Variants in LRRC24 observed in about 807,000 individuals in gnomAD.
LRRC24 encodes the protein leucine-rich repeat-containing protein 24.
In LRRC24, 19 loss-of-function variants were observed where a neutral mutation model predicts 15.3. That is an observed-to-expected ratio of 1.25 (90% CI 0.87 to 1.83). The LOEUF (loss-of-function observed/expected upper bound fraction) is 1.83, where lower values mean the gene tolerates loss of function less well. Among genes scored for constraint, LRRC24 ranks in the 40% most tolerant of loss-of-function variants. The probability of loss-of-function intolerance (pLI) is 0.00; values close to 1 mark genes in which losing one functional copy is unlikely to be tolerated. For synonymous variants in LRRC24, 469 were observed against 359.6 expected (o/e 1.30, Z -3.44); for missense variants, 914 against 723.9 (o/e 1.26, Z -3.01).
rs780806393 is a variant in LRRC24, at chr8:144,522,449, C to G, written c.*26G>C. The G allele has an allele frequency of 1.8e-5, 25 of 1,395,268 alleles. No homozygotes were observed. Among genetic ancestry groups the G allele is most frequent in the Middle Eastern group, 5.1e-4 (2 of 3,938 alleles). The allele number at this position is 1,395,268 out of a possible 1,614,324, so 86.4% of individuals were successfully genotyped here. ...AGGCCGCACCGGCCAATCTCCGGCG[C>G]CCACGTCATCCGCGCGCCCGCGGCC... On this transcript the variant is annotated 3_prime_UTR_variant, in exon 5 of 5. Transcript: ENST00000529415.
rs1564825883 is a variant in LRRC24, at chr8:144,524,940, A to AGCAGCG, written c.29_34dup (p.Pro10_Leu11dup). 1.6e-5 allele frequency: 24 copies of AGCAGCG among 1,506,406 alleles called. 1 individual carries two copies. The South Asian group carries it at 2.8e-4, about 18-fold the overall frequency. 93.3% of individuals were successfully genotyped at this position (1,506,406 alleles called of 1,614,324 possible). ...GGCGCGGAGCGGCAGTAGTAGCAGC[A>AGCAGCG]GCAGCGGCAGCAGTGCGGGGGCCCT... On this transcript the variant is annotated inframe_insertion, in exon 2 of 5. Coordinates refer to ENST00000529415, the MANE Select transcript of LRRC24 (RefSeq NM_001024678.4).
intron 1 of LRRC24, chr8:144,525,664 A>T (rs1477742007): frequency 6.6e-6 from 1 of 152,166 alleles, no homozygotes; most frequent in African/African-American, 2.4e-5. Context: ...CCTTTTTCTC[A>T]GGTAACCTGT....
In LRRC24 at chr8:144,522,508, C is replaced by T. The variant is rs565153871; in HGVS notation, c.1509G>A (p.Val503=). The change falls in exon 5 of 5, where the codon GTG becomes GTA. Residue 503 remains valine, a synonymous_variant. Transcript: ENST00000529415. ...GGATCTCGTAGGCGACCGGCGGGGG[C>T]ACGCGGAGTCCCGGCCCCGCCCCCT... ...PEQGAGPGLR[V]PPPVAYEIHC 3.5e-5 allele frequency: 52 copies of T among 1,497,816 alleles called. No homozygotes were observed. In the Middle Eastern group the frequency reaches 5.9e-4, roughly 17 times the overall value. The allele number at this position is 1,497,816 out of a possible 1,614,324, so 92.8% of individuals were successfully genotyped here.
intron 1 of LRRC24, chr8:144,526,534 G>C (rs1480832009): frequency 6.6e-6 from 1 of 152,276 alleles, no homozygotes; most frequent in Non-Finnish European, 1.5e-5. Flanking sequence ...GCTGGAAGCA[G>C]CCCAGAAATC....
At chr8:144,524,785 C>G (rs1374096036) in intron 2 of LRRC24, 31 bp downstream of exon 2, 1 of 1,436,200 alleles carries the variant, frequency 7.0e-7, no homozygotes, top group East Asian at 2.6e-5. Flanking sequence ...TGGGGGCACC[C>G]CGTCCTCCCG....
chr8:144,522,948 G>A lies in LRRC24; in HGVS notation c.1069C>T (p.Pro357Ser), dbSNP rs1242365230. The A allele has an allele frequency of 6.4e-7, 1 of 1,570,240 alleles. No homozygotes were observed. The highest frequency in any genetic ancestry group is 1.8e-5 in the Admixed American group (1 of 56,990). Residue 357 changes from proline (P) to serine (S), a missense_variant, in exon 5 of 5, where the codon CCC (proline) becomes TCC (serine). Pro to Ser is a moderately conservative substitution (Grantham distance 74). Transcript: ENST00000529415. ...ASNAGGAARVPFRLLVNASRQ... is the reference protein window; with the variant it reads ...ASNAGGAARVSFRLLVNASRQ... ...GACGCGTTGACCAGGAGCCGGAAGGGCACGCGGGCAGCGCCGCCGGCGTTG... is the reference window on the plus strand; with the variant it reads ...GACGCGTTGACCAGGAGCCGGAAGGACACGCGGGCAGCGCCGCCGGCGTTG...
rs1165613254 is a variant in LRRC24 at position 144,524,148 on chromosome 8, AG to A, written c.568del (p.Leu190CysfsTer102). ...NQLGTISREALQPLASLQVLR... is the reference protein window; with the variant it reads ...NQLGTISREAXQPLASLQVLR... ...GACTTGCAGACTGGCCAGGGGCTGC[AG>A]GGCCTCTCGGCTGATGGTGCCCAGC... On this transcript the variant is annotated frameshift_variant, in exon 4 of 5. Transcript: ENST00000529415. LOFTEE classifies it low-confidence loss of function (END_TRUNC). 6.2e-7 allele frequency: 1 copy of A among 1,608,676 alleles called. No homozygotes were observed. The highest frequency in any genetic ancestry group is 1.1e-5 in the South Asian group (1 of 91,010).
Position 144,522,763 on chromosome 8 carries a change from C to T in LRRC24, c.1254G>A (p.Ala418=), listed in dbSNP as rs773877790. ...GACAGATCATGGCGACCAGGAGCAGCGCCGTGAGCGCCAGCAGCGCGATGG... is the reference window on the plus strand; with the variant it reads ...GACAGATCATGGCGACCAGGAGCAGTGCCGTGAGCGCCAGCAGCGCGATGG... ...AAAIALLALT[A]LLLVAMICRR... Residue 418 remains alanine, a synonymous_variant, in exon 5 of 5, where the codon GCG becomes GCA. Transcript: ENST00000529415. 4 of 1,574,296 alleles carry T rather than the reference C, an allele frequency of 2.5e-6. No homozygotes were observed. In the South Asian group the frequency reaches 4.6e-5, roughly 18 times the overall value.
rs542344513 is a variant in LRRC24, at chr8:144,526,644, G to A, written c.-60+316C>T. On this transcript the variant is annotated intron_variant, in intron 1 of 4. Transcript: ENST00000529415. ...CACTGCCTCCTGGGCGCCCCTCTGT[G>A]CGGGAGCGGGGAGGGAAGAGGATGG... is the stretch of plus-strand genomic sequence containing the variant. 252 of 152,438 alleles carry A rather than the reference G, an allele frequency of 1.7e-3. 1 individual carries two copies. The highest frequency in any genetic ancestry group is 6.8e-4 in the Non-Finnish European group (46 of 68,066). The allele number at this position is 152,438 out of a possible 1,614,324, so 9.4% of individuals were successfully genotyped here.
chr8:144,524,938 G>A lies in LRRC24; in HGVS notation c.37C>T (p.Leu13=), dbSNP rs1816306782. The change falls in exon 2 of 5, where the codon CTG becomes TTG. Residue 13 remains leucine (L), a synonymous_variant. Transcript: ENST00000529415. ...GCGGCGCGGAGCGGCAGTAGTAGCA[G>A]CAGCAGCGGCAGCAGTGCGGGGGCC... ...LRAPALLPLL[L]LLLPLRAAGC... 1.3e-6 allele frequency: 2 copies of A among 1,505,986 alleles called. No homozygotes were observed. The highest frequency in any genetic ancestry group is 1.8e-6 in the Non-Finnish European group (2 of 1,129,062). The allele number at this position is 1,505,986 out of a possible 1,614,324, so 93.3% of individuals were successfully genotyped here.
In LRRC24 at chr8:144,523,236, A is replaced by G. The variant is rs961842633; in HGVS notation, c.781T>C (p.Ser261Pro). 3 of 1,610,330 alleles carry G rather than the reference A, an allele frequency of 1.9e-6. No homozygotes were observed. Among genetic ancestry groups the G allele is most frequent in the Non-Finnish European group, 2.5e-6 (3 of 1,178,924 alleles). The change falls in exon 5 of 5, where the codon TCT (serine) becomes CCT (proline). Residue 261 changes from serine (S) to proline (P), a missense_variant. By Grantham distance (74) the Ser-to-Pro change is moderately conservative. Transcript: ENST00000529415. ...AGCTCCAGCGGCTGCACGTGGACAGAGGGCGGAATGCAGATGAGGCTGCTG... is the reference window on the plus strand; with the variant it reads ...AGCTCCAGCGGCTGCACGTGGACAGGGGGCGGAATGCAGATGAGGCTGCTG... The part of the protein sequence containing the change: ...SHSSLICIPP[S>P]VHVQPLELTA...
At position 144,523,330 on chromosome 8, in the gene LRRC24, G is replaced by C; in HGVS notation, c.687C>G (p.Ser229=). 6.3e-7 allele frequency: 1 copy of C among 1,596,814 alleles called. No homozygotes were observed. Among genetic ancestry groups the C allele is most frequent in the African/African-American group, 1.3e-5 (1 of 74,586 alleles). The stretch of plus-strand genomic sequence containing the variant: ...CTGCACACATGATCTTCCTGTCCCT[G>C]GAGGTGAGCAGCCGCTGGCCGCCCT... ...IKEGGQRLLT[S]RDRKIMCAEP... Residue 229 remains serine (S), a synonymous_variant, in exon 5 of 5, where the codon TCC becomes TCG. Coordinates refer to ENST00000529415, the MANE Select transcript of LRRC24 (RefSeq NM_001024678.4).
Position 144,522,446 on chromosome 8 carries a change from GC to G in LRRC24, c.*28del. ...GCGAGGCCGCACCGGCCAATCTCCG[GC>G]GCCCACGTCATCCGCGCGCCCGCGG... On this transcript the variant is annotated 3_prime_UTR_variant, in exon 5 of 5. Transcript: ENST00000529415. The G allele has an allele frequency of 7.2e-7, 1 of 1,392,132 alleles. No homozygotes were observed. Among genetic ancestry groups the G allele is most frequent in the Non-Finnish European group, 9.2e-7 (1 of 1,081,912 alleles). 86.2% of individuals were successfully genotyped at this position (1,392,132 alleles called of 1,614,324 possible). A position where few individuals can be genotyped will look rare whatever the true frequency, so the allele number is the denominator to read the frequency against.
rs540416706 is a variant in LRRC24 at position 144,525,002 on chromosome 8, C to T, written c.-28G>A. On this transcript the variant is annotated 5_prime_UTR_variant, in exon 2 of 5. Transcript: ENST00000529415. ...CCCGAGGCCCGGTTCCTCACCGGCC[C>T]TTCCGCGGTTCAGCCGCAGACGCGT... 5 of 1,422,508 alleles carry T rather than the reference C, an allele frequency of 3.5e-6. No homozygotes were observed. The highest frequency in any genetic ancestry group is 2.7e-5 in the East Asian group (1 of 37,372). 88.1% of individuals were successfully genotyped at this position (1,422,508 alleles called of 1,614,324 possible).
chr8:144,522,722 C>A lies in LRRC24; in HGVS notation c.1295G>T (p.Arg432Leu). ...VAMICRRRRR[R>L]KKARGPPGEG... ...CCCCGGAGGCCCCCGCGCCTTTTTT[C>A]GCCTGCGGCGCCGGCGACAGATCAT... is the stretch of plus-strand genomic sequence containing the variant. Residue 432 changes from arginine (R) to leucine (L), a missense_variant, in exon 5 of 5, where the codon CGA becomes CTA. Transcript: ENST00000529415. 1 of 1,593,398 alleles carries A rather than the reference C, an allele frequency of 6.3e-7. No homozygotes were observed. The highest frequency in any genetic ancestry group is 8.5e-7 in the Non-Finnish European group (1 of 1,171,268).
rs1816227217 is a variant in LRRC24 at position 144,523,706 on chromosome 8, T to A, written c.608-297A>T. Reference sequence around the variant, plus strand: ...TTCCTGCAACAAGTGCCACTGTTTTTAGGAACCTGGGCGTCCACATAGACA... The same window carrying A: ...TTCCTGCAACAAGTGCCACTGTTTTAAGGAACCTGGGCGTCCACATAGACA... On this transcript the variant is annotated intron_variant, in intron 4 of 4. Coordinates refer to ENST00000529415, the MANE Select transcript of LRRC24 (RefSeq NM_001024678.4). 3 of 419,484 alleles carry A rather than the reference T, an allele frequency of 7.2e-6. No homozygotes were observed. In the South Asian group the frequency reaches 1.9e-4, roughly 27 times the overall value. The allele number at this position is 419,484 out of a possible 1,614,324, so 26.0% of individuals were successfully genotyped here.
rs2130791219 is a variant in LRRC24 at position 144,523,467 on chromosome 8, A to G, written c.608-58T>C. 2.7e-6 allele frequency: 4 copies of G among 1,491,752 alleles called. No individual in the cohort carries two copies. In the East Asian group the frequency reaches 9.5e-5, roughly 35 times the overall value. The allele number at this position is 1,491,752 out of a possible 1,614,324, so 92.4% of individuals were successfully genotyped here. A position where few individuals can be genotyped will look rare whatever the true frequency, so the allele number is the denominator to read the frequency against. On this transcript the variant is annotated intron_variant, in intron 4 of 4. Coordinates refer to ENST00000529415, the MANE Select transcript of LRRC24 (RefSeq NM_001024678.4). ...AGGGTGCTGCTAAAACAGCCTGTGC[A>G]GTTGGGGTTTTGCAGGCCAGGACAG...
In LRRC24 at chr8:144,522,657, A is replaced by G. The variant is rs1564823426; in HGVS notation, c.1360T>C (p.Cys454Arg). 1 of 1,591,960 alleles carries G rather than the reference A, an allele frequency of 6.3e-7. No homozygotes were observed. Among genetic ancestry groups the G allele is most frequent in the Non-Finnish European group, 8.5e-7 (1 of 1,170,822 alleles). ...AGCTCCTCTAGCTGTGCGAACGTACAGGGGCCGTCCAAGTAGTCGTTGACG... is the reference window on the plus strand; with the variant it reads ...AGCTCCTCTAGCTGTGCGAACGTACGGGGGCCGTCCAAGTAGTCGTTGACG... ...LFVNDYLDGP[C>R]TFAQLEELRD... Residue 454 changes from cysteine to arginine, a missense_variant, in exon 5 of 5, where the codon TGT (cysteine) becomes CGT (arginine). Coordinates refer to ENST00000529415, the MANE Select transcript of LRRC24 (RefSeq NM_001024678.4).
intron 4 of LRRC24, 161 bp from the exon 5 acceptor site, chr8:144,523,570 T>G: frequency 1.7e-6 from 2 of 1,207,542 alleles, no homozygotes; most frequent in Non-Finnish European, 2.1e-6. Context: ...CCCAAGCTCC[T>G]TGGGGCGGCA....
Sources: gnomAD v4.1 joint callset for allele counts on GRCh38, gnomAD v4.1.1 for gene constraint, MANE v1.5 for transcripts, NCBI Gene and HGNC (gene_info 2026-07-23, HGNC 2026-07-21) for gene names.